Variants in TMEM132C observed in about 807,000 individuals in gnomAD.
The protein encoded by TMEM132C is transmembrane protein 132C.
A neutral mutation model predicts 61.4 loss-of-function variants in TMEM132C; 29 were observed. The observed-to-expected ratio is 0.47, with a 90% CI of 0.35 to 0.64. TMEM132C has a LOEUF of 0.64. Ranked by LOEUF, TMEM132C falls within the 30% of genes least tolerant of loss-of-function variation. TMEM132C has a pLI of 0.00. For missense variants in TMEM132C, 1,408 were observed against 1,476.9 expected, an observed-to-expected ratio of 0.95 and a Z score of 0.76; for synonymous variants, 656 against 633.1, an observed-to-expected ratio of 1.04 and a Z score of -0.54.
At chr12:128,458,302 T>TATA (rs10682699) in intron 2 of TMEM132C, among the ~76,000 whole-genome samples, 146,716 of 147,748 alleles carry the variant, frequency 0.99, 72,850 homozygotes, top group Middle Eastern at 1. Context: ...ATTATATAAT[T>TATA]ATACTAAAAT....
chr12:128,397,578 A>G (rs1440154751), intron 1 of TMEM132C, among the ~76,000 whole-genome samples: 1 of 152,096 alleles, frequency 6.6e-6, no homozygotes, highest in Non-Finnish European at 1.5e-5. Flanking sequence ...TTGCAATTTG[A>G]AATAACAAGT....
intron 3 of TMEM132C, among the ~76,000 whole-genome samples, chr12:128,555,250 T>G (rs1333041503): frequency 6.6e-6 from 1 of 152,222 alleles, no homozygotes; most frequent in African/African-American, 2.4e-5. Flanking sequence ...TATACATAAC[T>G]GTGCTTGGCT....
intron 1 of TMEM132C, among the ~76,000 whole-genome samples, chr12:128,335,671 C>T (rs1415031021): frequency 1.3e-5 from 2 of 152,208 alleles, no homozygotes; most frequent in Non-Finnish European, 2.9e-5. Flanking sequence ...ATGTCAGGTT[C>T]TTTCAGTAAC....
intron 1 of TMEM132C, among the ~76,000 whole-genome samples, chr12:128,366,785 G>A (rs2135977463): frequency 6.6e-6 from 1 of 152,340 alleles, no homozygotes; most frequent in South Asian, 2.1e-4. Context: ...TAATATGCAT[G>A]TATTAAGTAC....
At chr12:128,614,682 A>G (rs1347841960) in intron 3 of TMEM132C, among the ~76,000 whole-genome samples, 3 of 152,260 alleles carry the variant, frequency 2.0e-5, no homozygotes, top group Non-Finnish European at 4.4e-5. Context: ...GTAGTTCCCA[A>G]AATACATATA....
chr12:128,612,705 C>G (rs965078306), intron 3 of TMEM132C, among the ~76,000 whole-genome samples: 1 of 152,226 alleles, frequency 6.6e-6, no homozygotes, highest in South Asian at 2.1e-4. Context: ...TTAACAGTCA[C>G]GTGTTATTTT....
At chr12:128,470,211 G>A (rs1037860899) in intron 2 of TMEM132C, among the ~76,000 whole-genome samples, 4 of 152,130 alleles carry the variant, frequency 2.6e-5, no homozygotes, top group Non-Finnish European at 5.9e-5. Flanking sequence ...GAACTGGAAG[G>A]GTCAACTGCT....
At chr12:128,426,860 G>A (rs1488434907) in intron 2 of TMEM132C, among the ~76,000 whole-genome samples, 4 of 152,150 alleles carry the variant, frequency 2.6e-5, no homozygotes, top group African/African-American at 9.7e-5. Flanking sequence ...CCCGAATTCT[G>A]CCTTCTTGCT....
intron 4 of TMEM132C, among the ~76,000 whole-genome samples, chr12:128,640,533 G>C (rs957465136): frequency 6.6e-5 from 10 of 152,232 alleles, no homozygotes; most frequent in Admixed American, 3.9e-4. Context: ...TGATGAAAAT[G>C]TTCTGAAGTT....
intron 2 of TMEM132C, among the ~76,000 whole-genome samples, chr12:128,420,258 A>G (rs1265135947): frequency 6.6e-6 from 1 of 152,216 alleles, no homozygotes; most frequent in African/African-American, 2.4e-5. Context: ...GGCTTAGGAA[A>G]AAATGGACAA....
At chr12:128,272,555 A>G (rs1296743500) in intron 1 of TMEM132C, among the ~76,000 whole-genome samples, 1 of 152,234 alleles carries the variant, frequency 6.6e-6, no homozygotes, top group Non-Finnish European at 1.5e-5. Context: ...GGTTGTATGC[A>G]GACTGTATAT....
In TMEM132C at chr12:128,447,588, A is replaced by G. The variant is rs142426061; in HGVS notation, c.974+31968A>G. 2.3e-3 allele frequency among the ~76,000 whole-genome samples: 342 copies of G among 151,462 alleles called. 1 individual carries two copies. The highest frequency in any genetic ancestry group is 7.7e-3 in the African/African-American group (317 of 41,310). ...TTTCTCAGGTGTAAATACTCCCACTATGATTAATTTCAAATTGCCAACTGG... is the reference window on the plus strand; with the variant it reads ...TTTCTCAGGTGTAAATACTCCCACTGTGATTAATTTCAAATTGCCAACTGG... On this transcript the variant is annotated intron_variant, in intron 2 of 8. Transcript: ENST00000435159.
chr12:128,458,312 T>TTATATATTACATATTTATTATAG (rs1870417860), intron 2 of TMEM132C, among the ~76,000 whole-genome samples: 1 of 146,422 alleles, frequency 6.8e-6, no homozygotes, highest in Non-Finnish European at 1.5e-5. Flanking sequence ...TATACTAAAA[T>TTATATATTACATATTTATTATAG]TATATATTAC....
In TMEM132C at chr12:128,693,817, C is replaced by T. The variant is rs1325192025; in HGVS notation, c.1450-12C>T. ...AACTTCTCCTCCATCCTTTCTCCCT[C>T]TGTCTTTGCAGGTGTCTGAGCGCTG... is the stretch of plus-strand genomic sequence containing the variant. On this transcript the variant is annotated splice_polypyrimidine_tract_variant and intron_variant, in intron 5 of 8. Transcript: ENST00000435159. 1.3e-6 allele frequency: 2 copies of T among 1,551,582 alleles called. No homozygotes were observed. The highest frequency in any genetic ancestry group is 2.4e-5 in the South Asian group (2 of 84,042).
chr12:128,486,690 G>A (rs527389876), intron 2 of TMEM132C, among the ~76,000 whole-genome samples: 18 of 152,150 alleles, frequency 1.2e-4, no homozygotes, highest in Non-Finnish European at 2.2e-4. Flanking sequence ...TACCCTGTGG[G>A]AGGAGAGATT....
intron 4 of TMEM132C, among the ~76,000 whole-genome samples, chr12:128,664,151 CAT>C (rs1243607225): frequency 1.4e-5 from 2 of 148,100 alleles, no homozygotes; most frequent in Non-Finnish European, 3.0e-5. Flanking sequence ...GGCACACACA[CAT>C]GCGCACAGGC....
chr12:128,344,525 C>G (rs1259346459), intron 1 of TMEM132C, among the ~76,000 whole-genome samples: 1 of 152,160 alleles, frequency 6.6e-6, no homozygotes, highest in Non-Finnish European at 1.5e-5. Context: ...GTAACTCCAT[C>G]TTTAACATTT....
At chr12:128,521,317 A>ATG (rs759624247) in intron 2 of TMEM132C, among the ~76,000 whole-genome samples, 2,085 of 146,274 alleles carry the variant, frequency 0.014, 35 homozygotes, top group African/African-American at 0.049. Context: ...GTATATATAT[A>ATG]TATGTGTGTG....
chr12:128,649,684 C>T (rs942449620), intron 4 of TMEM132C, among the ~76,000 whole-genome samples: 2 of 152,152 alleles, frequency 1.3e-5, no homozygotes, highest in African/African-American at 4.8e-5. Context: ...CAACTGCCTC[C>T]TTTCTTGGCT....
Sources: allele counts gnomAD v4.1 joint callset (sites outside exome capture counted in the v4.1 genomes callset), GRCh38; gene constraint gnomAD v4.1.1; transcripts MANE v1.5; gene names NCBI Gene and HGNC (gene_info 2026-07-23, HGNC 2026-07-21).